The following SRBD1 variants were observed in gnomAD, a reference collection of about 807,000 sequenced individuals.
SRBD1 encodes the protein S1 RNA binding domain 1, also known as S1 RNA-binding domain-containing protein 1.
Under a neutral mutation model 115.3 loss-of-function variants are expected in SRBD1, and 88 were observed. That is an observed-to-expected ratio of 0.76 (90% confidence interval 0.64 to 0.91). The LOEUF is 0.91. Among genes scored for constraint, SRBD1 ranks in the 40% least tolerant of loss-of-function variants. The pLI is 0.00. For synonymous variants in SRBD1, 509 were observed against 407.7 expected, an observed-to-expected ratio of 1.25 and a Z score of -2.99; for missense variants, 1,385 against 1,177.4, an observed-to-expected ratio of 1.18 and a Z score of -2.58.
intron 16 of SRBD1, among the ~76,000 whole-genome samples, chr2:45,425,229 A>G (rs1177088180): frequency 6.6e-6 from 1 of 152,224 alleles, no homozygotes; most frequent in Non-Finnish European, 1.5e-5. Context: ...AATGAAAACT[A>G]TCACCATACT....
chr2:45,425,408 G>A (rs576794199), intron 16 of SRBD1, among the ~76,000 whole-genome samples: 49 of 152,092 alleles, frequency 3.2e-4, no homozygotes, highest in Non-Finnish European at 6.6e-4. Context: ...AAAGGGGTGT[G>A]TATATGTGTA....
chr2:45,474,408 G>A (rs932943370), intron 16 of SRBD1, among the ~76,000 whole-genome samples: 3 of 152,148 alleles, frequency 2.0e-5, no homozygotes, highest in Non-Finnish European at 4.4e-5. Flanking sequence ...CATCATGCCA[G>A]GTGTCATGTA....
Position 45,571,537 on chromosome 2 carries a change from A to AAAAC in SRBD1, c.1305+1669_1305+1670insGTTT, listed in dbSNP as rs1673016176. Among the ~76,000 whole-genome samples the AAAAC allele has an allele frequency of 2.8e-5, 4 of 143,888 alleles. No homozygotes were observed. The East Asian group carries it at 6.7e-4, about 24-fold the overall frequency. The allele number at this position is 143,888 out of a possible 152,430, so 94.4% of individuals were successfully genotyped here. The stretch of plus-strand genomic sequence containing the variant: ...TTTACCAAAAAAAAAAAAAAAAAAA[A>AAAAC]AAAAACTGTCCATGAGGAAGCTTAG... On this transcript the variant is annotated intron_variant, in intron 9 of 20. Transcript: ENST00000263736.
intron 18 of SRBD1, among the ~76,000 whole-genome samples, chr2:45,417,091 A>G (rs977024320): frequency 6.6e-6 from 1 of 152,204 alleles, no homozygotes; most frequent in African/African-American, 2.4e-5. Context: ...ACAAAAACAG[A>G]ATCATTTTAT....
At chr2:45,417,427 A>C (rs576006053) in intron 18 of SRBD1, among the ~76,000 whole-genome samples, 1 of 152,298 alleles carries the variant, frequency 6.6e-6, no homozygotes, top group Non-Finnish European at 1.5e-5. Flanking sequence ...TGGATTTCAG[A>C]CCTTATTCTG....
chr2:45,531,416 A>G (rs1671607567), intron 14 of SRBD1, among the ~76,000 whole-genome samples: 1 of 151,908 alleles, frequency 6.6e-6, no homozygotes. Context: ...TAGATTTTTA[A>G]AGATCTCTAC....
intron 4 of SRBD1, among the ~76,000 whole-genome samples, chr2:45,594,085 A>T (rs1673812874): frequency 1.3e-5 from 2 of 152,184 alleles, no homozygotes; most frequent in Admixed American, 1.3e-4. Flanking sequence ...AAAAGTACCA[A>T]TTTCTCTTAT....
Position 45,477,110 on chromosome 2 carries a change from A to C in SRBD1, c.1967-35T>G, listed in dbSNP as rs368465538. The C allele has an allele frequency of 2.2e-4, 347 of 1,568,496 alleles. 1 individual carries two copies. The highest frequency in any genetic ancestry group is 3.3e-4 in the Middle Eastern group (2 of 5,996). The stretch of plus-strand genomic sequence containing the variant: ...CAGAATCAGAAAACAAGTATGACTT[A>C]ATGTGAAAAGCAGTACCTAATAATT... On this transcript the variant is annotated intron_variant, in intron 15 of 20. Coordinates refer to ENST00000263736, the MANE Select transcript of SRBD1 (RefSeq NM_018079.5).
intron 14 of SRBD1, among the ~76,000 whole-genome samples, chr2:45,543,385 T>C (rs561151857): frequency 6.6e-6 from 1 of 152,306 alleles, no homozygotes; most frequent in South Asian, 2.1e-4. Flanking sequence ...TGAATTAGGA[T>C]ATATATCATG....
At chr2:45,443,763 T>A (rs565112114) in intron 16 of SRBD1, among the ~76,000 whole-genome samples, 45 of 146,680 alleles carry the variant, frequency 3.1e-4, no homozygotes, top group Non-Finnish European at 3.0e-4. Context: ...ACAAAACAAC[T>A]CTTTTGCAGT....
chr2:45,395,058 C>T (rs1001868928), intron 19 of SRBD1, among the ~76,000 whole-genome samples: 4 of 152,178 alleles, frequency 2.6e-5, no homozygotes, highest in Non-Finnish European at 4.4e-5. Context: ...GCGGATGACA[C>T]ATGACAACCT....
At chr2:45,599,410 C>T (rs1307097757) in intron 4 of SRBD1, 39 bp downstream of exon 4, 18 of 1,581,470 alleles carry the variant, frequency 1.1e-5, no homozygotes, top group Admixed American at 3.5e-5. Flanking sequence ...AAAGAAAGCA[C>T]TCAAAACAAC....
intron 10 of SRBD1, among the ~76,000 whole-genome samples, chr2:45,562,266 C>T (rs1572779506): frequency 1.3e-5 from 2 of 152,156 alleles, no homozygotes; most frequent in East Asian, 1.9e-4. Flanking sequence ...CTTGCTCTGT[C>T]GCCCAGGCTG....
intron 17 of SRBD1, among the ~76,000 whole-genome samples, chr2:45,419,051 T>C (rs1336782395): frequency 6.6e-6 from 1 of 152,200 alleles, no homozygotes; most frequent in African/African-American, 2.4e-5. Flanking sequence ...ACAAAGACTA[T>C]ATCATTAGGT....
chr2:45,581,676 T>G lies in SRBD1; in HGVS notation c.933+17A>C. 6.3e-7 allele frequency: 1 copy of G among 1,593,304 alleles called. No individual in the cohort carries two copies. Among genetic ancestry groups the G allele is most frequent in the Non-Finnish European group, 8.6e-7 (1 of 1,166,680 alleles). ...TATATTCAGGTATTACATTAAAAGA[T>G]AAAAAGGATTCCTTACCACGTGTTC... On this transcript the variant is annotated intron_variant, in intron 6 of 20. Coordinates refer to ENST00000263736, the MANE Select transcript of SRBD1 (RefSeq NM_018079.5).
At chr2:45,516,523 A>G (rs2103941492) in intron 14 of SRBD1, among the ~76,000 whole-genome samples, 1 of 152,332 alleles carries the variant, frequency 6.6e-6, no homozygotes, top group Admixed American at 6.5e-5. Context: ...CACACACAAC[A>G]GATATATCTG....
At chr2:45,414,873 A>C (rs1013161982) in intron 18 of SRBD1, among the ~76,000 whole-genome samples, 8 of 37,590 alleles carry the variant, frequency 2.1e-4, no homozygotes, top group African/African-American at 1.3e-4. Flanking sequence ...TGTACACACA[A>C]TATAGTGTGT....
At chr2:45,556,611 C>A (rs191232406) in intron 10 of SRBD1, among the ~76,000 whole-genome samples, 1 of 151,814 alleles carries the variant, frequency 6.6e-6, no homozygotes. Flanking sequence ...TACAGACGTG[C>A]GCCATCCCGC....
intron 14 of SRBD1, among the ~76,000 whole-genome samples, chr2:45,543,147 A>C (rs1558466529): frequency 6.6e-6 from 1 of 152,228 alleles, no homozygotes; most frequent in Non-Finnish European, 1.5e-5. Context: ...TGAACATTTC[A>C]ACTTCAACTA....
Sources: allele counts gnomAD v4.1 joint callset (sites outside exome capture counted in the v4.1 genomes callset), GRCh38; gene constraint gnomAD v4.1.1; transcripts MANE v1.5; gene names NCBI Gene and HGNC (gene_info 2026-07-23, HGNC 2026-07-21).